Variants in NREP observed in about 807,000 individuals in gnomAD.
The protein encoded by NREP is neuronal regeneration related protein, also known as neuronal regeneration-related protein.
A neutral mutation model predicts 8.6 loss-of-function variants in NREP; 5 were observed. The observed-to-expected ratio is 0.58, with a 90% CI of 0.30 to 1.22. The LOEUF is 1.22. Ranked by LOEUF, NREP falls within the 50% of genes most tolerant of loss-of-function variation. The probability of loss-of-function intolerance (pLI) is 0.07; values close to 1 mark genes in which losing one functional copy is unlikely to be tolerated. For synonymous variants in NREP, 27 were observed against 28.0 expected (o/e 0.96, Z 0.11); for missense variants, 86 against 82.5 (o/e 1.04, Z -0.17).
At chr5:111,816,164 C>CA (rs980697595) in intron 2 of NREP, among the ~76,000 whole-genome samples, 96 of 151,656 alleles carry the variant, frequency 6.3e-4, no homozygotes, top group African/African-American at 2.2e-3. Flanking sequence ...AATATATTTC[C>CA]AAAAAAAAGT....
upstream of NREP, chr5:111,758,066 C>T (rs1581094678): frequency 1.6e-5 from 16 of 985,592 alleles, no homozygotes; most frequent in Non-Finnish European, 1.8e-5. Context: ...CGCGCTCAGA[C>T]ACACAAAGAG....
chr5:111,746,067 A>G (rs1749983122), intron 2 of NREP, among the ~76,000 whole-genome samples: 1 of 152,142 alleles, frequency 6.6e-6, no homozygotes, highest in Non-Finnish European at 1.5e-5. Flanking sequence ...GACTTCATCT[A>G]AACAACATAA....
At chr5:111,875,896 G>A (rs1424078800) in intron 2 of NREP, among the ~76,000 whole-genome samples, 1 of 152,174 alleles carries the variant, frequency 6.6e-6, no homozygotes, top group Non-Finnish European at 1.5e-5. Context: ...CCTACAGAGA[G>A]GGGTCCTGGA....
chr5:111,784,450 A>T (rs1751563490), intron 2 of NREP, among the ~76,000 whole-genome samples: 1 of 151,902 alleles, frequency 6.6e-6, no homozygotes, highest in Non-Finnish European at 1.5e-5. Flanking sequence ...ATTTATTAGG[A>T]ACTCATTTAA....
chr5:111,956,607 AT>A (rs907686554), intron 2 of NREP, among the ~76,000 whole-genome samples: 4 of 152,144 alleles, frequency 2.6e-5, no homozygotes, highest in Non-Finnish European at 5.9e-5. Context: ...TAAAAACAAT[AT>A]TTTTTAAAAA....
chr5:111,770,001 A>T (rs1272414225), intron 2 of NREP, among the ~76,000 whole-genome samples: 1 of 152,228 alleles, frequency 6.6e-6, no homozygotes, highest in East Asian at 1.9e-4. Context: ...ATCCCTGAAG[A>T]TGTTCAAGAG....
At chr5:111,786,850 A>C (rs1751624806) in intron 2 of NREP, among the ~76,000 whole-genome samples, 1 of 152,198 alleles carries the variant, frequency 6.6e-6, no homozygotes, top group Non-Finnish European at 1.5e-5. Context: ...TTTCTGTACA[A>C]CAACAGTAAA....
intron 2 of NREP, among the ~76,000 whole-genome samples, chr5:111,965,574 T>C (rs1040506361): frequency 2.0e-5 from 3 of 152,098 alleles, no homozygotes; most frequent in South Asian, 4.1e-4. Context: ...CCCATTTCCC[T>C]CTGTCTATAT....
intron 2 of NREP, among the ~76,000 whole-genome samples, chr5:111,736,952 T>C (rs1244987995): frequency 6.6e-6 from 1 of 152,102 alleles, no homozygotes; most frequent in Non-Finnish European, 1.5e-5. Flanking sequence ...AGAATGCAAA[T>C]CGCCTACCAC....
chr5:111,800,416 C>A (rs1464293556), intron 2 of NREP, among the ~76,000 whole-genome samples: 3 of 152,216 alleles, frequency 2.0e-5, no homozygotes, highest in Admixed American at 2.0e-4. Context: ...TGTGCCATTG[C>A]ACAGAAGGGT....
chr5:111,928,634 C>T (rs1181591174), intron 2 of NREP, among the ~76,000 whole-genome samples: 2 of 152,104 alleles, frequency 1.3e-5, no homozygotes, highest in South Asian at 2.1e-4. Flanking sequence ...TCATACAATA[C>T]TCCCTCATGA....
chr5:111,943,291 T>A (rs1413504873), intron 2 of NREP, among the ~76,000 whole-genome samples: 2 of 152,074 alleles, frequency 1.3e-5, no homozygotes, highest in African/African-American at 4.8e-5. Flanking sequence ...CCTATACATC[T>A]TCTTGCCTGA....
In NREP at chr5:111,729,702, CACA is replaced by C. The variant is rs1192213890; in HGVS notation, c.*1216_*1218del. 3 of 152,750 alleles carry C rather than the reference CACA, an allele frequency of 2.0e-5. No homozygotes were observed. The highest frequency in any genetic ancestry group is 1.9e-4 in the East Asian group (1 of 5,186). The allele number at this position is 152,750 out of a possible 1,614,324, so 9.5% of individuals were successfully genotyped here. On this transcript the variant is annotated 3_prime_UTR_variant, in exon 4 of 4. Coordinates refer to ENST00000257435, the MANE Select transcript of NREP (RefSeq NM_004772.4). ...TAAGGTGGGCTTTCAGACTGGCTAA[CACA>C]ACAACATTCCATGAGTAGATGGTAA...
intron 2 of NREP, among the ~76,000 whole-genome samples, chr5:111,776,690 A>ATGT (rs1751369367): frequency 6.6e-6 from 1 of 152,178 alleles, no homozygotes; most frequent in Non-Finnish European, 1.5e-5. Context: ...TCACTCTGAC[A>ATGT]TGTTGAAGGA....
upstream of NREP, among the ~76,000 whole-genome samples, chr5:111,759,630 C>T (rs1268001480): frequency 6.6e-6 from 1 of 152,076 alleles, no homozygotes; most frequent in Non-Finnish European, 1.5e-5. Flanking sequence ...AGATTCATAG[C>T]TTATTTATCT....
At chr5:111,806,500 G>T (rs988868010) in intron 2 of NREP, among the ~76,000 whole-genome samples, 1 of 152,220 alleles carries the variant, frequency 6.6e-6, no homozygotes, top group African/African-American at 2.4e-5. Context: ...GTTTGGAGAA[G>T]AATATGGAAG....
chr5:111,776,955 A>AT (rs1751375317), intron 2 of NREP, among the ~76,000 whole-genome samples: 1 of 151,864 alleles, frequency 6.6e-6, no homozygotes, highest in East Asian at 1.9e-4. Context: ...TTATACCTCA[A>AT]TGAAAAAGTA....
chr5:111,903,760 A>G (rs996195016), intron 2 of NREP, among the ~76,000 whole-genome samples: 1 of 152,096 alleles, frequency 6.6e-6, no homozygotes, highest in Non-Finnish European at 1.5e-5. Context: ...ACACAGAGAA[A>G]AACACTCCCG....
intron 2 of NREP, among the ~76,000 whole-genome samples, chr5:111,806,989 T>C (rs1752158333): frequency 6.6e-6 from 1 of 152,016 alleles, no homozygotes; most frequent in African/African-American, 2.4e-5. Flanking sequence ...CTCTTGGCTA[T>C]AGGAAAGGGA....
Sources: allele counts gnomAD v4.1 joint callset (sites outside exome capture counted in the v4.1 genomes callset), GRCh38; gene constraint gnomAD v4.1.1; transcripts MANE v1.5; gene names NCBI Gene and HGNC (gene_info 2026-07-23, HGNC 2026-07-21).